KCTD16: variants seen among roughly 807,000 people sequenced by gnomAD.
KCTD16 encodes potassium channel tetramerization domain containing 16, also known as BTB/POZ domain-containing protein KCTD16.
In KCTD16, 13 loss-of-function variants were observed where a neutral mutation model predicts 33.2. That is an observed-to-expected ratio of 0.39 (90% CI 0.25 to 0.62). The LOEUF (loss-of-function observed/expected upper bound fraction) is 0.62, where lower values mean the gene tolerates loss of function less well. KCTD16 is among the 20% of genes least tolerant of loss of function. KCTD16 has a pLI of 0.50. For missense variants in KCTD16, 441 were observed against 525.1 expected, an observed-to-expected ratio of 0.84 and a Z score of 1.57; for synonymous variants, 197 against 195.3, an observed-to-expected ratio of 1.01 and a Z score of -0.07.
At chr5:144,219,370 C>A (rs1193025374) in intron 3 of KCTD16, among the ~76,000 whole-genome samples, 1 of 151,798 alleles carries the variant, frequency 6.6e-6, no homozygotes, top group African/African-American at 2.4e-5. Context: ...CCCGCCACTG[C>A]GTCTGGCTAA....
chr5:144,391,050 C>T (rs1242385970), intron 3 of KCTD16, among the ~76,000 whole-genome samples: 1 of 152,092 alleles, frequency 6.6e-6, no homozygotes, highest in East Asian at 1.9e-4. Flanking sequence ...CCCCTCCATC[C>T]TTTCCCATGG....
intron 3 of KCTD16, among the ~76,000 whole-genome samples, chr5:144,309,306 T>A (rs532354033): frequency 3.9e-5 from 6 of 152,126 alleles, no homozygotes; most frequent in African/African-American, 1.4e-4. Flanking sequence ...AGGAGGAAGA[T>A]AACTACTCAG....
At chr5:144,314,277 T>G (rs1751847502) in intron 3 of KCTD16, among the ~76,000 whole-genome samples, 1 of 152,182 alleles carries the variant, frequency 6.6e-6, no homozygotes, top group Non-Finnish European at 1.5e-5. Flanking sequence ...ATTTTGTGAC[T>G]GAGAGATATG....
At chr5:144,376,689 C>T (rs1242760702) in intron 3 of KCTD16, among the ~76,000 whole-genome samples, 3 of 152,166 alleles carry the variant, frequency 2.0e-5, no homozygotes, top group Non-Finnish European at 4.4e-5. Flanking sequence ...ATGAATCCTT[C>T]CTGTGAGTCC....
intron 3 of KCTD16, among the ~76,000 whole-genome samples, chr5:144,267,656 C>G (rs1220244849): frequency 6.6e-6 from 1 of 152,088 alleles, no homozygotes; most frequent in Non-Finnish European, 1.5e-5. Flanking sequence ...ATTCTTCTTA[C>G]AAAGTTTCCA....
chr5:144,397,286 G>C (rs559742525), intron 3 of KCTD16, among the ~76,000 whole-genome samples: 2 of 152,100 alleles, frequency 1.3e-5, no homozygotes, highest in African/African-American at 2.4e-5. Context: ...GTATTCCATG[G>C]TGTATATGTG....
intron 3 of KCTD16, among the ~76,000 whole-genome samples, chr5:144,223,454 C>G (rs916397223): frequency 6.6e-6 from 1 of 151,990 alleles, no homozygotes; most frequent in Non-Finnish European, 1.5e-5. Flanking sequence ...AGAATGGTAG[C>G]ATCAGCCCTA....
At chr5:144,449,868 G>A (rs1753902301) in intron 3 of KCTD16, among the ~76,000 whole-genome samples, 1 of 151,948 alleles carries the variant, frequency 6.6e-6, no homozygotes, top group African/African-American at 2.4e-5. Context: ...TAGGGGAAAA[G>A]TTTCTTGATG....
intron 3 of KCTD16, among the ~76,000 whole-genome samples, chr5:144,448,306 A>G (rs955906082): frequency 8.6e-5 from 13 of 152,030 alleles, no homozygotes; most frequent in African/African-American, 2.9e-4. Context: ...ATTCATTGTA[A>G]ATCTAGATTT....
At chr5:144,312,463 C>G (rs926344550) in intron 3 of KCTD16, among the ~76,000 whole-genome samples, 1 of 152,086 alleles carries the variant, frequency 6.6e-6, no homozygotes, top group Admixed American at 6.6e-5. Context: ...TCTGGAGCTG[C>G]CTGTACTTGT....
intron 3 of KCTD16, among the ~76,000 whole-genome samples, chr5:144,278,120 C>G (rs1419720987): frequency 6.6e-6 from 1 of 152,048 alleles, no homozygotes; most frequent in Non-Finnish European, 1.5e-5. Flanking sequence ...CAAAAATTTT[C>G]TCTTATGTTG....
intron 3 of KCTD16, among the ~76,000 whole-genome samples, chr5:144,294,399 G>A (rs1755979792): frequency 6.6e-6 from 1 of 152,050 alleles, no homozygotes; most frequent in Non-Finnish European, 1.5e-5. Flanking sequence ...GATGTCTAAG[G>A]TGTATCTTTT....
chr5:144,252,532 T>G (rs1469714224), intron 3 of KCTD16, among the ~76,000 whole-genome samples: 1 of 151,700 alleles, frequency 6.6e-6, no homozygotes, highest in African/African-American at 2.4e-5. Flanking sequence ...CTAGAAAAAC[T>G]CAAAGAGCCA....
At chr5:144,450,584 G>A (rs1477758452) in intron 3 of KCTD16, among the ~76,000 whole-genome samples, 1 of 151,944 alleles carries the variant, frequency 6.6e-6, no homozygotes. Context: ...AAGAAAATGT[G>A]GCATATACAT....
At chr5:144,417,028 C>T (rs923849508) in intron 3 of KCTD16, among the ~76,000 whole-genome samples, 12 of 152,082 alleles carry the variant, frequency 7.9e-5, no homozygotes, top group Admixed American at 3.9e-4. Context: ...TATTCCTTGA[C>T]GAGATTTAGG....
intron 3 of KCTD16, among the ~76,000 whole-genome samples, chr5:144,210,874 G>A (rs1202376923): frequency 3.3e-5 from 5 of 152,110 alleles, no homozygotes; most frequent in Admixed American, 6.5e-5. Flanking sequence ...AAAGGCATTT[G>A]CCTCTAATAA....
intron 3 of KCTD16, among the ~76,000 whole-genome samples, chr5:144,408,954 C>T (rs1752873578): frequency 6.6e-6 from 1 of 152,178 alleles, no homozygotes; most frequent in Non-Finnish European, 1.5e-5. Context: ...GTATCATGCT[C>T]TCTATTGTGT....
At chr5:144,398,107 C>A (rs966476890) in intron 3 of KCTD16, among the ~76,000 whole-genome samples, 13 of 152,210 alleles carry the variant, frequency 8.5e-5, no homozygotes, top group African/African-American at 2.9e-4. Flanking sequence ...GTTTTTAATA[C>A]CACAACTTAA....
chr5:144,451,414 G>A (rs975975328), intron 3 of KCTD16, among the ~76,000 whole-genome samples: 1 of 152,152 alleles, frequency 6.6e-6, no homozygotes, highest in Non-Finnish European at 1.5e-5. Flanking sequence ...CACCTCACAG[G>A]ATTCCTCAGC....
Sources: gnomAD v4.1 joint callset for allele counts (sites outside exome capture counted in the v4.1 genomes callset) on GRCh38, gnomAD v4.1.1 for gene constraint, MANE v1.5 for transcripts, NCBI Gene and HGNC (gene_info 2026-07-23, HGNC 2026-07-21) for gene names.